RELL1: variants seen among roughly 807,000 people sequenced by gnomAD.
The protein encoded by RELL1 is RELT-like protein 1.
RELL1 carries 10 observed loss-of-function variants against 23.0 expected under a neutral mutation model. That is an observed-to-expected ratio of 0.43 (90% confidence interval 0.27 to 0.74). The LOEUF is 0.74. RELL1 is among the 30% of genes least tolerant of loss of function. The pLI, the probability that RELL1 is intolerant of heterozygous loss-of-function variation, is 0.19. For missense variants in RELL1, 315 were observed against 364.4 expected, an observed-to-expected ratio of 0.86 and a Z score of 1.10; for synonymous variants, 146 against 146.8, an observed-to-expected ratio of 0.99 and a Z score of 0.04.
intron 1 of RELL1, among the ~76,000 whole-genome samples, chr4:37,668,275 G>A (rs1252925213): frequency 2.7e-5 from 4 of 145,516 alleles, no homozygotes; most frequent in Middle Eastern, 3.2e-3. Flanking sequence ...AGCCGAAGCT[G>A]GACTGTACTG....
In RELL1 at chr4:37,673,186, C is replaced by CTTTTTTTTTTTTTTTTTTTTTTTTTTTTT. The variant is rs71189095; in HGVS notation, c.88+13013_88+13014insAAAAAAAAAAAAAAAAAAAAAAAAAAAAA. On this transcript the variant is annotated intron_variant, in intron 1 of 6. Coordinates refer to ENST00000454158, the MANE Select transcript of RELL1 (RefSeq NM_001085400.2). ...CATCAAGACTATATACTTTTTTTTT[C>CTTTTTTTTTTTTTTTTTTTTTTTTTTTTT]TTTTTTTTTTTTTTTTTTTTTGAGA... is the stretch of plus-strand genomic sequence containing the variant. 2.1e-5 allele frequency among the ~76,000 whole-genome samples: 2 copies of CTTTTTTTTTTTTTTTTTTTTTTTTTTTTT among 93,180 alleles called. 1 individual carries two copies. Among genetic ancestry groups the CTTTTTTTTTTTTTTTTTTTTTTTTTTTTT allele is most frequent in the African/African-American group, 8.2e-5 (2 of 24,264 alleles). The allele number at this position is 93,180 out of a possible 152,430, so 61.1% of individuals were successfully genotyped here.
intron 4 of RELL1, among the ~76,000 whole-genome samples, chr4:37,636,913 A>G (rs1553873831): frequency 1.3e-5 from 2 of 152,226 alleles, no homozygotes; most frequent in Non-Finnish European, 1.5e-5. Context: ...CGCCTCAAAC[A>G]TGACTGAGCC....
At chr4:37,596,086 C>T (rs144692031) in intron 6 of RELL1, among the ~76,000 whole-genome samples, 49 of 152,312 alleles carry the variant, frequency 3.2e-4, no homozygotes, top group African/African-American at 1.1e-3. Context: ...CCATGTGACA[C>T]GTGCCTGGTA....
At position 37,590,846 on chromosome 4, in the gene RELL1, T is replaced by C. The variant is rs530995137; in HGVS notation, c.*375A>G. ...AATGAGAAGGGTCCTGTTCATGCCA[T>C]GCCTGTGGTTGACTCAGGAAACAGG... On this transcript the variant is annotated 3_prime_UTR_variant, in exon 7 of 7. Transcript: ENST00000314117. 2.0e-5 allele frequency: 32 copies of C among 1,614,226 alleles called. 1 individual carries two copies. In the South Asian group the frequency reaches 3.5e-4, roughly 18 times the overall value.
chr4:37,685,054 A>C (rs573228896), intron 1 of RELL1, among the ~76,000 whole-genome samples: 5 of 152,358 alleles, frequency 3.3e-5, no homozygotes, highest in African/African-American at 1.2e-4. Flanking sequence ...GCCTGCTAAA[A>C]AGACTCAGGA....
downstream of RELL1, among the ~76,000 whole-genome samples, chr4:37,586,445 A>G (rs1483141986): frequency 2.0e-5 from 3 of 152,206 alleles, no homozygotes; most frequent in Admixed American, 1.3e-4. Flanking sequence ...CGGTAAGGAA[A>G]GAGGGTGGCA....
intron 6 of RELL1, chr4:37,622,799 C>CTTTTT (rs763432060): frequency 2.3e-4 from 90 of 391,728 alleles, no homozygotes; most frequent in South Asian, 4.4e-4. Flanking sequence ...TCAAGTAATG[C>CTTTTT]TTTTTTTTTT....
intron 1 of RELL1, chr4:37,665,254 T>C (rs1421816537): frequency 8.8e-6 from 4 of 456,296 alleles, no homozygotes; most frequent in Non-Finnish European, 1.8e-5. Context: ...AAGTAGATTC[T>C]TTTCAGAGCT....
chr4:37,670,242 G>A lies in RELL1; in HGVS notation c.88+15958C>T, dbSNP rs140749061. 1.7e-3 allele frequency among the ~76,000 whole-genome samples: 254 copies of A among 151,410 alleles called. 3 individuals carry two copies. The highest frequency in any genetic ancestry group is 5.7e-3 in the African/African-American group (235 of 41,288). The stretch of plus-strand genomic sequence containing the variant: ...TTTTTAACTGTAAGTAACAGTCAAT[G>A]AGGAGCCATCATTACTATAAGGTTG... On this transcript the variant is annotated intron_variant, in intron 1 of 6. Coordinates refer to ENST00000454158, the MANE Select transcript of RELL1 (RefSeq NM_001085400.2).
chr4:37,686,107 C>T, intron 1 of RELL1, 93 bp downstream of exon 1: 1 of 1,079,130 alleles, frequency 9.3e-7, no homozygotes, highest in Non-Finnish European at 1.3e-6. Flanking sequence ...GAAAGCAGGA[C>T]GCCGCGGGGC....
At chr4:37,604,515 A>G (rs752998617) in intron 6 of RELL1, among the ~76,000 whole-genome samples, 5 of 152,040 alleles carry the variant, frequency 3.3e-5, no homozygotes, top group South Asian at 2.1e-4. Flanking sequence ...ACACACGCGC[A>G]CACACACACG....
intron 1 of RELL1, among the ~76,000 whole-genome samples, chr4:37,651,544 C>A (rs541854484): frequency 3.9e-5 from 6 of 152,112 alleles, no homozygotes; most frequent in African/African-American, 1.4e-4. Flanking sequence ...GAAAAGAATC[C>A]GTATTGTAAT....
chr4:37,592,503 C>G (rs1718670211), intron 6 of RELL1, among the ~76,000 whole-genome samples: 1 of 152,156 alleles, frequency 6.6e-6, no homozygotes, highest in Non-Finnish European at 1.5e-5. Context: ...TGAACAAGCC[C>G]TCTCTGGATT....
chr4:37,601,496 C>G (rs1390752656), intron 6 of RELL1, among the ~76,000 whole-genome samples: 2 of 152,200 alleles, frequency 1.3e-5, no homozygotes, highest in African/African-American at 4.8e-5. Flanking sequence ...AGGTCACAGA[C>G]AGCAAAGGCA....
intron 6 of RELL1, among the ~76,000 whole-genome samples, chr4:37,623,733 T>C (rs1719846853): frequency 6.6e-6 from 1 of 152,156 alleles, no homozygotes; most frequent in Non-Finnish European, 1.5e-5. Context: ...GCACTACTTT[T>C]ACCTTTGAGA....
chr4:37,608,603 G>T (rs1037700933), downstream of RELL1, among the ~76,000 whole-genome samples: 1 of 151,942 alleles, frequency 6.6e-6, no homozygotes, highest in Non-Finnish European at 1.5e-5. Flanking sequence ...CAGAAAAAAG[G>T]TTGGAAGCCA....
chr4:37,626,385 G>A (rs929541945), intron 6 of RELL1, among the ~76,000 whole-genome samples: 4 of 152,180 alleles, frequency 2.6e-5, no homozygotes, highest in African/African-American at 9.7e-5. Context: ...GGCTGTGGCA[G>A]GAGAATCGTC....
At chr4:37,649,653 C>A (rs1406777989) in intron 1 of RELL1, among the ~76,000 whole-genome samples, 153 bp from the exon 2 acceptor site, 1 of 152,222 alleles carries the variant, frequency 6.6e-6, no homozygotes, top group Non-Finnish European at 1.5e-5. Context: ...CAAAAGATAG[C>A]CCAGGTTTGA....
At chr4:37,669,181 T>C (rs1252758768) in intron 1 of RELL1, among the ~76,000 whole-genome samples, 1 of 80,966 alleles carries the variant, frequency 1.2e-5, no homozygotes. Flanking sequence ...GGGAGGGAGG[T>C]GGGGGGGGGG....
Sources: allele counts gnomAD v4.1 joint callset (sites outside exome capture counted in the v4.1 genomes callset), GRCh38; gene constraint gnomAD v4.1.1; transcripts MANE v1.5; gene names NCBI Gene and HGNC (gene_info 2026-07-23, HGNC 2026-07-21).